The following CEP128 variants were observed in gnomAD, a reference collection of about 807,000 sequenced individuals.
CEP128 encodes the protein centrosomal protein 128kDa.
A neutral mutation model predicts 156.7 loss-of-function variants in CEP128; 132 were observed. That is an observed-to-expected ratio of 0.84 (90% CI 0.73 to 0.97). The LOEUF is 0.97. Among genes scored for constraint, CEP128 ranks in the 50% least tolerant of loss-of-function variants. The pLI, the probability that CEP128 is intolerant of heterozygous loss-of-function variation, is 0.00. For missense variants in CEP128, 1,252 were observed against 1,281.9 expected (o/e 0.98, Z 0.36); for synonymous variants, 469 against 448.9 (o/e 1.04, Z -0.57).
At chr14:80,800,040 A>C (rs923068924) in intron 13 of CEP128, among the ~76,000 whole-genome samples, 1 of 151,134 alleles carries the variant, frequency 6.6e-6, no homozygotes, top group Non-Finnish European at 1.5e-5. Flanking sequence ...CTTTGTACCT[A>C]CTCCCTGTTT....
chr14:80,746,784 C>T (rs1479689997), intron 18 of CEP128, among the ~76,000 whole-genome samples: 4 of 152,072 alleles, frequency 2.6e-5, no homozygotes, highest in Admixed American at 6.6e-5. Flanking sequence ...AAGGCCACTA[C>T]CAACAAAAAG....
Position 80,785,520 on chromosome 14 carries a change from T to G in CEP128, c.1586A>C (p.Lys529Thr). ...TTGTAATGCTGCATACAGCTGGGTT[T>G]TCAATTCATCCTTTTCTTTTAAAAT... ...NQILKEKDEL[K>T]TQLYAALQQI... The change falls in exon 15 of 25, where the codon AAA (lysine) becomes ACA (threonine). Residue 529 changes from lysine to threonine, a missense_variant. Lys to Thr is a moderately conservative substitution (Grantham distance 78). Coordinates refer to ENST00000555265, the MANE Select transcript of CEP128 (RefSeq NM_152446.5). The G allele has an allele frequency of 6.2e-7, 1 of 1,609,692 alleles. No homozygotes were observed. The highest frequency in any genetic ancestry group is 8.5e-7 in the Non-Finnish European group (1 of 1,178,250).
chr14:80,902,664 T>C (rs1047556136), intron 6 of CEP128, among the ~76,000 whole-genome samples: 4 of 152,182 alleles, frequency 2.6e-5, no homozygotes, highest in African/African-American at 9.6e-5. Context: ...ACACAACTAA[T>C]ACTTCAGAAA....
intron 19 of CEP128, among the ~76,000 whole-genome samples, chr14:80,662,914 G>A (rs972457989): frequency 2.0e-5 from 3 of 152,142 alleles, no homozygotes; most frequent in African/African-American, 4.8e-5. Context: ...TGTGGCCAGT[G>A]CAACTGAGGC....
At chr14:80,821,862 A>G (rs1316966632) in intron 13 of CEP128, among the ~76,000 whole-genome samples, 6 of 152,092 alleles carry the variant, frequency 3.9e-5, no homozygotes, top group Non-Finnish European at 5.9e-5. Context: ...TTTACAAAAG[A>G]AAGAGGTTTA....
chr14:80,763,654 A>C (rs1444728961), intron 16 of CEP128, among the ~76,000 whole-genome samples: 1 of 152,152 alleles, frequency 6.6e-6, no homozygotes, highest in Non-Finnish European at 1.5e-5. Context: ...TCAAATTGTA[A>C]TATAATTATT....
intron 19 of CEP128, among the ~76,000 whole-genome samples, chr14:80,618,556 C>G (rs1411406552): frequency 6.6e-6 from 1 of 152,196 alleles, no homozygotes; most frequent in Non-Finnish European, 1.5e-5. Context: ...AATGCACAAA[C>G]AAGTTATTGC....
At chr14:80,530,555 T>G (rs1160222888) in intron 22 of CEP128, among the ~76,000 whole-genome samples, 1 of 152,188 alleles carries the variant, frequency 6.6e-6, no homozygotes, top group Non-Finnish European at 1.5e-5. Flanking sequence ...ATCATTAAAG[T>G]TTTAGGGGCC....
At chr14:80,758,351 G>A (rs750047296) in intron 17 of CEP128, among the ~76,000 whole-genome samples, 1 of 152,008 alleles carries the variant, frequency 6.6e-6, no homozygotes, top group Non-Finnish European at 1.5e-5. Context: ...GTGAAACTCT[G>A]TCTCTACTAA....
intron 9 of CEP128, among the ~76,000 whole-genome samples, chr14:80,847,818 T>C (rs1279086875): frequency 6.6e-6 from 1 of 152,184 alleles, no homozygotes; most frequent in African/African-American, 2.4e-5. Context: ...TAGGGGTCCC[T>C]AAAAGGTGAG....
intron 13 of CEP128, among the ~76,000 whole-genome samples, chr14:80,802,562 G>A (rs1883938698): frequency 7.0e-6 from 1 of 142,796 alleles, no homozygotes; most frequent in South Asian, 2.6e-4. Context: ...TGAGGGGAGG[G>A]AACTTAGAGT....
At chr14:80,643,925 G>A (rs1018462134) in intron 19 of CEP128, among the ~76,000 whole-genome samples, 7 of 152,184 alleles carry the variant, frequency 4.6e-5, no homozygotes, top group Admixed American at 6.5e-5. Flanking sequence ...TGGAGATAGC[G>A]TGAGTCAAGG....
rs538010369 is a variant in CEP128 at position 80,799,671 on chromosome 14, G to A, written c.1210-6561C>T. Among the ~76,000 whole-genome samples the A allele has an allele frequency of 1.5e-4, 23 of 152,184 alleles. No individual in the cohort carries two copies. The South Asian group carries it at 2.7e-3, about 18-fold the overall frequency. On this transcript the variant is annotated intron_variant, in intron 13 of 24. Transcript: ENST00000555265. ...CCTAGGGGGAGGTCTATAAACGGCC[G>A]CTCTGGGAATGTCTGTCTTGTGCAG...
intron 19 of CEP128, among the ~76,000 whole-genome samples, chr14:80,633,690 A>C (rs1894060264): frequency 6.6e-6 from 1 of 152,310 alleles, no homozygotes; most frequent in East Asian, 1.9e-4. Flanking sequence ...ATGGATTTTA[A>C]AAAGTGGGGA....
chr14:80,805,694 G>C (rs1023211804), intron 13 of CEP128, among the ~76,000 whole-genome samples: 2 of 152,106 alleles, frequency 1.3e-5, no homozygotes, highest in South Asian at 2.1e-4. Flanking sequence ...AGTATAATTT[G>C]AGTGTTTCAT....
At chr14:80,726,197 C>T (rs554342053) in intron 19 of CEP128, among the ~76,000 whole-genome samples, 27 of 152,234 alleles carry the variant, frequency 1.8e-4, no homozygotes, top group African/African-American at 6.5e-4. Flanking sequence ...GAGCTTATAA[C>T]CTTGTATTAA....
chr14:80,769,715 T>C (rs546297447), intron 16 of CEP128, among the ~76,000 whole-genome samples: 1 of 152,284 alleles, frequency 6.6e-6, no homozygotes, highest in Non-Finnish European at 1.5e-5. Context: ...CCAAATAAAA[T>C]AACCTGTATA....
intron 19 of CEP128, among the ~76,000 whole-genome samples, chr14:80,663,812 T>C (rs1209342550): frequency 6.6e-6 from 1 of 152,200 alleles, no homozygotes; most frequent in Non-Finnish European, 1.5e-5. Flanking sequence ...TCACATAGGA[T>C]TGGCCTCAAG....
At chr14:80,849,461 A>C (rs533784889) in intron 9 of CEP128, among the ~76,000 whole-genome samples, 1 of 152,308 alleles carries the variant, frequency 6.6e-6, no homozygotes, top group African/African-American at 2.4e-5. Context: ...TAATAAACAT[A>C]AAACTGTAAC....
Sources: gnomAD v4.1 joint callset for allele counts (sites outside exome capture counted in the v4.1 genomes callset) on GRCh38, gnomAD v4.1.1 for gene constraint, MANE v1.5 for transcripts, NCBI Gene and HGNC (gene_info 2026-07-23, HGNC 2026-07-21) for gene names.